CA10: variants seen among roughly 807,000 people sequenced by gnomAD.
CA10 encodes the protein carbonic anhydrase 10 (inactive), also known as carbonic anhydrase-related protein 10.
CA10 carries 14 observed loss-of-function variants against 44.2 expected under a neutral mutation model. The observed-to-expected ratio is 0.32, with a 90% CI of 0.21 to 0.50. The LOEUF (loss-of-function observed/expected upper bound fraction) is 0.50. Among genes scored for constraint, CA10 ranks in the 20% least tolerant of loss-of-function variants. The pLI is 0.99. For synonymous variants in CA10, 159 were observed against 141.6 expected, an observed-to-expected ratio of 1.12 and a Z score of -0.87; for missense variants, 350 against 409.7, an observed-to-expected ratio of 0.85 and a Z score of 1.26.
chr17:51,822,433 C>A (rs967963832), intron 3 of CA10, among the ~76,000 whole-genome samples: 1 of 150,786 alleles, frequency 6.6e-6, no homozygotes, highest in Non-Finnish European at 1.5e-5. Context: ...AAAACAAAAA[C>A]AAAAACAAAA....
At chr17:52,048,136 T>C (rs2191404) in intron 2 of CA10, among the ~76,000 whole-genome samples, 150,630 of 151,994 alleles carry the variant, frequency 0.99, 74,656 homozygotes, top group East Asian at 1. Context: ...AAAAATGTCT[T>C]GTTTAGAGTT....
chr17:51,909,472 T>C (rs970140537), intron 3 of CA10, among the ~76,000 whole-genome samples: 1 of 152,104 alleles, frequency 6.6e-6, no homozygotes, highest in Admixed American at 6.6e-5. Flanking sequence ...TCCTCTGCTC[T>C]TTTTTCGAGC....
chr17:51,858,287 C>T (rs1479930100), intron 3 of CA10, among the ~76,000 whole-genome samples: 2 of 152,074 alleles, frequency 1.3e-5, no homozygotes, highest in Non-Finnish European at 2.9e-5. Context: ...GCAAAATAGG[C>T]AGATGAGAGC....
intron 6 of CA10, among the ~76,000 whole-genome samples, chr17:51,641,261 T>C (rs539243566): frequency 1.3e-5 from 2 of 152,180 alleles, no homozygotes; most frequent in South Asian, 4.1e-4. Flanking sequence ...TCAAGAGTCT[T>C]AATTCAAGTC....
chr17:51,926,729 G>T (rs1230146596), intron 3 of CA10, among the ~76,000 whole-genome samples: 1 of 152,108 alleles, frequency 6.6e-6, no homozygotes, highest in Admixed American at 6.6e-5. Flanking sequence ...TCCTTTTAAG[G>T]ACTCTATGGT....
rs562487455 is a variant in CA10, at chr17:51,743,649, C to T, written c.465+3984G>A. Among the ~76,000 whole-genome samples, 20 of 152,308 alleles carry T rather than the reference C, an allele frequency of 1.3e-4. No homozygotes were observed. The South Asian group carries it at 2.9e-3, about 22-fold the overall frequency. ...AATTAATCTATAGCTCTTCAGATAA[C>T]GACTGTTGCACTGTGCCAAGGAAAA... is the stretch of plus-strand genomic sequence containing the variant. On this transcript the variant is annotated intron_variant, in intron 4 of 8. Transcript: ENST00000451037.
intron 3 of CA10, among the ~76,000 whole-genome samples, chr17:51,902,422 T>C (rs1384479037): frequency 6.6e-6 from 1 of 152,150 alleles, no homozygotes; most frequent in Non-Finnish European, 1.5e-5. Context: ...TATCTTTTTT[T>C]CCCCATTTGT....
intron 3 of CA10, among the ~76,000 whole-genome samples, chr17:51,790,195 G>T (rs940483975): frequency 1.3e-5 from 2 of 152,156 alleles, no homozygotes; most frequent in Non-Finnish European, 2.9e-5. Flanking sequence ...CAGGGACCCT[G>T]GTTTAATGTG....
At chr17:52,078,039 G>A (rs896441199) in intron 1 of CA10, among the ~76,000 whole-genome samples, 2 of 152,176 alleles carry the variant, frequency 1.3e-5, no homozygotes, top group African/African-American at 2.4e-5. Flanking sequence ...ACACCAACAA[G>A]TCTTTGGATC....
chr17:52,106,064 A>G (rs1039323263), intron 1 of CA10, among the ~76,000 whole-genome samples: 2 of 152,240 alleles, frequency 1.3e-5, no homozygotes, highest in Non-Finnish European at 1.5e-5. Context: ...TTGGCTCCTA[A>G]GTAAAGCCAA....
rs1985213473 is a variant in CA10, at chr17:51,995,768, ATTC to A, written c.137-64639_137-64637del. Among the ~76,000 whole-genome samples the A allele has an allele frequency of 2.0e-5, 3 of 152,190 alleles. No individual in the cohort carries two copies. In the South Asian group the frequency reaches 6.2e-4, roughly 32 times the overall value. On this transcript the variant is annotated intron_variant, in intron 2 of 8. Transcript: ENST00000451037. ...ATTTTCAGAACTGAATTCCTGTGTTATTCTTGCTTTCAAACTTTTCCAGTGGCT... is the reference window on the plus strand; with the variant it reads ...ATTTTCAGAACTGAATTCCTGTGTTATTGCTTTCAAACTTTTCCAGTGGCT...
intron 2 of CA10, among the ~76,000 whole-genome samples, chr17:52,031,634 A>G (rs905269227): frequency 1.3e-5 from 2 of 152,174 alleles, no homozygotes; most frequent in African/African-American, 4.8e-5. Flanking sequence ...ATTTTCTAGT[A>G]GAGTTTCCCA....
intron 4 of CA10, among the ~76,000 whole-genome samples, chr17:51,697,167 T>A (rs1379578047): frequency 1.3e-5 from 2 of 152,118 alleles, no homozygotes; most frequent in African/African-American, 2.4e-5. Flanking sequence ...GCAAATTACT[T>A]AAACTCTCTG....
intron 4 of CA10, among the ~76,000 whole-genome samples, chr17:51,717,217 G>C (rs1336551262): frequency 6.6e-6 from 1 of 151,638 alleles, no homozygotes; most frequent in Non-Finnish European, 1.5e-5. Flanking sequence ...TTTAGCATTT[G>C]GTCCTTGACC....
intron 2 of CA10, among the ~76,000 whole-genome samples, chr17:52,021,933 G>C (rs1482547589): frequency 6.6e-6 from 1 of 151,898 alleles, no homozygotes; most frequent in Non-Finnish European, 1.5e-5. Context: ...AACCAAAAAA[G>C]GCCCAGGACC....
chr17:51,641,069 C>T (rs1913058911), intron 6 of CA10, among the ~76,000 whole-genome samples: 1 of 151,848 alleles, frequency 6.6e-6, no homozygotes, highest in Non-Finnish European at 1.5e-5. Context: ...GAAGTGAGGA[C>T]AGATGTTCAA....
chr17:51,697,488 C>T (rs1399261112), intron 4 of CA10, among the ~76,000 whole-genome samples: 5 of 152,218 alleles, frequency 3.3e-5, no homozygotes, highest in Non-Finnish European at 4.4e-5. Flanking sequence ...CTCCATGAGG[C>T]TTGTCCTGAC....
At chr17:51,894,512 T>C (rs950642787) in intron 3 of CA10, among the ~76,000 whole-genome samples, 3 of 152,262 alleles carry the variant, frequency 2.0e-5, no homozygotes, top group African/African-American at 7.2e-5. Context: ...CCAGGGCTTC[T>C]GTCTTAAGAA....
chr17:51,740,704 G>A (rs1904421587), intron 4 of CA10, among the ~76,000 whole-genome samples: 1 of 152,104 alleles, frequency 6.6e-6, no homozygotes, highest in Admixed American at 6.5e-5. Flanking sequence ...TCACACATGT[G>A]CTCATGCTGC....
Sources: gnomAD v4.1 joint callset for allele counts (sites outside exome capture counted in the v4.1 genomes callset) on GRCh38, gnomAD v4.1.1 for gene constraint, MANE v1.5 for transcripts, NCBI Gene and HGNC (gene_info 2026-07-23, HGNC 2026-07-21) for gene names.